The following ALDH3A1 variants were observed in gnomAD, a reference collection of about 807,000 sequenced individuals.
ALDH3A1 encodes aldehyde dehydrogenase 3 family member A1, also known as aldehyde dehydrogenase, dimeric NADP-preferring.
ALDH3A1 carries 46 observed loss-of-function variants against 49.9 expected under a neutral mutation model. The ratio of observed to expected loss-of-function variants is 0.92; its 90% confidence interval spans 0.73 to 1.18. The LOEUF is 1.18. Among genes scored for constraint, ALDH3A1 ranks in the 50% most tolerant of loss-of-function variants. The pLI is 0.00. For missense variants in ALDH3A1, 592 were observed against 611.8 expected (o/e 0.97, Z 0.34); for synonymous variants, 269 against 253.3 (o/e 1.06, Z -0.59).
At chr17:19,742,289 G>GCCC in intron 4 of ALDH3A1, 77 bp from the exon 5 acceptor site, 1 of 1,492,472 alleles carries the variant, frequency 6.7e-7, no homozygotes, top group Non-Finnish European at 9.3e-7. Flanking sequence ...GTGAGTTGCA[G>GCCC]TGGCCAAGAC....
chr17:19,743,425 G>C lies in ALDH3A1; in HGVS notation c.201C>G (p.Val67=), dbSNP rs1022613729. The change falls in exon 3 of 11, where the codon GTC becomes GTG. Residue 67 remains valine, a synonymous_variant. Transcript: ENST00000225740. This position sits in a 1 kb window ranked among gnomAD's most constrained non-coding sequence, Gnocchi z 4.4. The part of the protein sequence containing the change: ...WNAYYEEVVY[V]LEEIEYMIQK... ...GGATCATGTACTCGATCTCCTCTAG[G>C]ACGTACACCACCTCCTCATAGTAGG... The C allele has an allele frequency of 5.6e-6, 9 of 1,612,154 alleles. No homozygotes were observed. In the Admixed American group the frequency reaches 6.7e-5, roughly 12 times the overall value.
chr17:19,745,263 G>T, intron 1 of ALDH3A1, 129 bp from the exon 2 acceptor site: 1 of 1,024,454 alleles, frequency 9.8e-7, no homozygotes, highest in Non-Finnish European at 1.3e-6. Context: ...CCGCTGGAAG[G>T]TCCACTTTCT....
rs147298045 is a variant in ALDH3A1 at position 19,745,102 on chromosome 17, G to C, written c.28C>G (p.Arg10Gly). ...CCCGAGCTGAAGGCGGCGCGGGCGC[G>C]CTTCACGGCCTCGCTGATCTTGCTC... MSKISEAVK[R>G]ARAAFSSGRT... Residue 10 changes from arginine (R) to glycine (G), a missense_variant, in exon 2 of 11, where the codon CGC becomes GGC. Arg to Gly is a moderately radical substitution (Grantham distance 125). Coordinates refer to ENST00000225740, the MANE Select transcript of ALDH3A1 (RefSeq NM_000691.5). 1,209 of 1,588,266 alleles carry C rather than the reference G, an allele frequency of 7.6e-4. No homozygotes were observed. The highest frequency in any genetic ancestry group is 1.0e-3 in the Non-Finnish European group (1,184 of 1,173,404).
chr17:19,744,907 C>CG lies in ALDH3A1; in HGVS notation c.162+60_162+61insC, dbSNP rs924835465. 4.9e-6 allele frequency: 4 copies of CG among 813,422 alleles called. 1 individual carries two copies. In the African/African-American group the frequency reaches 5.9e-5, roughly 12 times the overall value. The allele number at this position is 813,422 out of a possible 1,614,324, so 50.4% of individuals were successfully genotyped here. A position where few individuals can be genotyped will look rare whatever the true frequency, so the allele number is the denominator to read the frequency against. On this transcript the variant is annotated intron_variant, in intron 2 of 10. Coordinates refer to ENST00000225740, the MANE Select transcript of ALDH3A1 (RefSeq NM_000691.5). ...CTGGGTCGCACTCTCCCCAGCCCCT[C>CG]CCCCCACGCCCCATCGCATGGCCCC...
intron 2 of ALDH3A1, 73 bp downstream of exon 2, chr17:19,744,895 T>TGGCC: frequency 4.3e-6 from 4 of 924,114 alleles, no homozygotes; most frequent in Non-Finnish European, 5.6e-6. Flanking sequence ...GGTCGCACTC[T>TGGCC]CCCCAGCCCC....
intron 9 of ALDH3A1, 79 bp downstream of exon 9, chr17:19,738,917 G>T: frequency 7.7e-7 from 1 of 1,300,494 alleles, no homozygotes; most frequent in Non-Finnish European, 1.1e-6. Flanking sequence ...TGCAGGAGGT[G>T]GTCCCTCCTG....
chr17:19,741,928 A>ACTCTGAGTGGTCCACT, intron 5 of ALDH3A1, 76 bp downstream of exon 5: 1 of 1,440,638 alleles, frequency 6.9e-7, no homozygotes. Flanking sequence ...GAGTGGACCC[A>ACTCTGAGTGGTCCACT]CAGCATGAGG....
At position 19,748,193 on chromosome 17, in the gene ALDH3A1, C is replaced by G. The variant is rs1397388762; in HGVS notation, c.-6+66G>C. 9 of 387,992 alleles carry G rather than the reference C, an allele frequency of 2.3e-5. No individual in the cohort carries two copies. Among genetic ancestry groups the G allele is most frequent in the African/African-American group, 1.9e-4 (9 of 47,516 alleles). 24.0% of individuals were successfully genotyped at this position (387,992 alleles called of 1,614,324 possible). ...ATGTAGGACTCTTGACACTTAGGGCCCCGGCTCTGAGTGCAGACTCCACCT... is the reference window on the plus strand; with the variant it reads ...ATGTAGGACTCTTGACACTTAGGGCGCCGGCTCTGAGTGCAGACTCCACCT... On this transcript the variant is annotated intron_variant, in intron 1 of 10. Transcript: ENST00000225740. The surrounding 1 kb of genome is among the most constrained non-coding windows in gnomAD (Gnocchi z 4.4).
At chr17:19,742,503 T>C (rs2086514248) in intron 4 of ALDH3A1, 42 bp downstream of exon 4, 2 of 1,591,128 alleles carry the variant, frequency 1.3e-6, no homozygotes, top group African/African-American at 1.3e-5. Flanking sequence ...CCTAGCTCAG[T>C]TATGAGGCCA....
intron 1 of ALDH3A1, among the ~76,000 whole-genome samples, chr17:19,746,819 G>A (rs1187488799): frequency 6.6e-6 from 1 of 152,208 alleles, no homozygotes; most frequent in Non-Finnish European, 1.5e-5. Flanking sequence ...ACTGATGGGG[G>A]TGGAATTATT....
intron 1 of ALDH3A1, among the ~76,000 whole-genome samples, chr17:19,746,654 CATGTGTGTGTGT>C (rs1209770267): frequency 1.5e-5 from 2 of 133,764 alleles, no homozygotes; most frequent in Non-Finnish European, 3.1e-5. Flanking sequence ...CGTGTGTGTG[CATGTGTGTGTGT>C]GCGTGTGTGT....
In ALDH3A1 at chr17:19,742,132, C is replaced by T. The variant is rs747774379; in HGVS notation, c.561G>A (p.Thr187=). 17 of 1,613,950 alleles carry T rather than the reference C, an allele frequency of 1.1e-5. No homozygotes were observed. Among genetic ancestry groups the T allele is most frequent in the East Asian group, 2.2e-5 (1 of 44,888 alleles). The change falls in exon 5 of 11, where the codon ACG becomes ACA. Residue 187 remains threonine (T), a synonymous_variant. Transcript: ENST00000225740. ...TGATCTTCCCCACCCCCGTGCTGCC[C>T]GTGTACAGGATATGGTCGAACCTCT... ...LKERFDHILY[T]GSTGVGKIIM...
chr17:19,743,320 C>T lies in ALDH3A1; in HGVS notation c.306G>A (p.Ser102=), dbSNP rs763974208. 19 of 1,614,060 alleles carry T rather than the reference C, an allele frequency of 1.2e-5. No homozygotes were observed. The highest frequency in any genetic ancestry group is 1.7e-5 in the Admixed American group (1 of 60,012). The change falls in exon 3 of 11, where the codon TCG becomes TCA. Residue 102 remains serine (S), a synonymous_variant. Coordinates refer to ENST00000225740, the MANE Select transcript of ALDH3A1 (RefSeq NM_000691.5). The surrounding 1 kb of genome is among the most constrained non-coding windows in gnomAD (Gnocchi z 4.4). The part of the protein sequence containing the change: ...QTQQDELYIH[S]EPLGVVLVIG... ...TGACGAGGACCACGCCCAGTGGCTC[C>T]GAGTGGATGTAGAGCTCGTCCTGCT...
chr17:19,743,067 C>T lies in ALDH3A1; in HGVS notation c.394+165G>A. On this transcript the variant is annotated intron_variant, in intron 3 of 10. Coordinates refer to ENST00000225740, the MANE Select transcript of ALDH3A1 (RefSeq NM_000691.5). This position sits in a 1 kb window ranked among gnomAD's most constrained non-coding sequence, Gnocchi z 4.4. ...CCTGAGCCTGACTGGACCTCAGGCA[C>T]CAAGAGGCCTGGCTAAACAGCTTGG... is the stretch of plus-strand genomic sequence containing the variant. 6.5e-7 allele frequency: 1 copy of T among 1,534,122 alleles called. No homozygotes were observed. The highest frequency in any genetic ancestry group is 8.7e-7 in the Non-Finnish European group (1 of 1,146,274).
rs745863174 is a variant in ALDH3A1, at chr17:19,744,970, T to C, written c.160A>G (p.Lys54Glu). 5.2e-6 allele frequency: 7 copies of C among 1,352,226 alleles called. No homozygotes were observed. Among genetic ancestry groups the C allele is most frequent in the Admixed American group, 4.3e-5 (2 of 46,522 alleles). The allele number at this position is 1,352,226 out of a possible 1,614,324, so 83.8% of individuals were successfully genotyped here. The change falls in exon 2 of 11, where the codon AAG becomes GAG. Residue 54 changes from lysine (K) to glutamate (E), a missense_variant and splice_region_variant. Physicochemically the swap from Lys to Glu is moderately conservative, Grantham distance 56. Transcript: ENST00000225740. ...LVGALAADLH[K>E]NEWNAYYEEV... ...AGGCGGCCGCCCAGCCTGAGCACCT[T>C]GTGCAGGTCTGCGGCCAGCGCGCCC...
chr17:19,742,665 G>A, intron 3 of ALDH3A1, 35 bp from the exon 4 acceptor site: 1 of 1,613,496 alleles, frequency 6.2e-7, no homozygotes, highest in Non-Finnish European at 8.5e-7. Context: ...TATGCCCAGG[G>A]TACTTCACCA....
In ALDH3A1 at chr17:19,743,726, T is replaced by C; in HGVS notation, c.163-263A>G. On this transcript the variant is annotated intron_variant, in intron 2 of 10. Transcript: ENST00000225740. The surrounding 1 kb of genome is among the most constrained non-coding windows in gnomAD (Gnocchi z 4.4). ...AGAGAGCCGGTGAAGGGACCAGGCA[T>C]GGGCAACGGAATGGATCCAGGTAGG... 1 of 972,762 alleles carries C rather than the reference T, an allele frequency of 1.0e-6. No homozygotes were observed. Among genetic ancestry groups the C allele is most frequent in the South Asian group, 4.8e-5 (1 of 20,898 alleles). 60.3% of individuals were successfully genotyped at this position (972,762 alleles called of 1,614,324 possible). A position where few individuals can be genotyped will look rare whatever the true frequency, so the allele number is the denominator to read the frequency against.
intron 4 of ALDH3A1, 122 bp from the exon 5 acceptor site, chr17:19,742,334 G>GC (rs1222606776): frequency 1.7e-6 from 2 of 1,201,996 alleles, no homozygotes; most frequent in African/African-American, 3.0e-5. Flanking sequence ...CACCTTGGGC[G>GC]GGGGGTAGCA....
chr17:19,744,856 T>A (rs2086568057), intron 2 of ALDH3A1, 112 bp downstream of exon 2: 1 of 1,353,238 alleles, frequency 7.4e-7, no homozygotes, highest in South Asian at 1.6e-5. Flanking sequence ...AGGGGCCAGG[T>A]GGCCCCAAGT....
Sources: allele counts gnomAD v4.1 joint callset (sites outside exome capture counted in the v4.1 genomes callset), GRCh38; gene constraint gnomAD v4.1.1; non-coding constraint Gnocchi (gnomAD v3.1); transcripts MANE v1.5; gene names NCBI Gene and HGNC (gene_info 2026-07-23, HGNC 2026-07-21).